The following KIF3C variants were observed in gnomAD, a reference collection of about 807,000 sequenced individuals.
KIF3C encodes the protein kinesin-like protein KIF3C.
In KIF3C, 12 loss-of-function variants were observed where a neutral mutation model predicts 67.7. That is an observed-to-expected ratio of 0.18 (90% CI 0.11 to 0.29). The LOEUF (loss-of-function observed/expected upper bound fraction) is 0.29. KIF3C is among the 10% of genes least tolerant of loss of function. KIF3C has a pLI of 1.00. For synonymous variants in KIF3C, 393 were observed against 426.2 expected (o/e 0.92, Z 0.96); for missense variants, 789 against 1,059.6 (o/e 0.74, Z 3.55).
rs190324260 is a variant in KIF3C at position 25,958,850 on chromosome 2, G to C, written c.1546-2406C>G. Among the ~76,000 whole-genome samples, 53 of 152,228 alleles carry C rather than the reference G, an allele frequency of 3.5e-4. No homozygotes were observed. The highest frequency in any genetic ancestry group is 1.3e-3 in the African/African-American group (52 of 41,552). On this transcript the variant is annotated intron_variant, in intron 1 of 7. Coordinates refer to ENST00000264712, the MANE Select transcript of KIF3C (RefSeq NM_002254.8). This position sits in a 1 kb window ranked among gnomAD's most constrained non-coding sequence, Gnocchi z 4.5. ...GGCACTTTGGGAGGCCAAGGCAGGCGGATCACCTGAGGTTGGGAGTTCGAG... is the reference window on the plus strand; with the variant it reads ...GGCACTTTGGGAGGCCAAGGCAGGCCGATCACCTGAGGTTGGGAGTTCGAG...
At chr2:25,965,419 C>T (rs1371030891) in intron 1 of KIF3C, among the ~76,000 whole-genome samples, 1 of 151,976 alleles carries the variant, frequency 6.6e-6, no homozygotes, top group East Asian at 1.9e-4. Flanking sequence ...TTTTTATTTC[C>T]ACATTTGTCT....
rs1305460098 is a variant in KIF3C, at chr2:25,927,797, T to G, written c.*1181A>C. ...ATTAACCATTTTTTTTTGTAGAAAT[T>G]TACTTATCACTTGAGATACCTAGAG... On this transcript the variant is annotated 3_prime_UTR_variant, in exon 8 of 8. Transcript: ENST00000264712. The G allele has an allele frequency of 6.6e-6, 1 of 152,574 alleles. No homozygotes were observed. The highest frequency in any genetic ancestry group is 2.4e-5 in the African/African-American group (1 of 41,442). The allele number at this position is 152,574 out of a possible 1,614,324, so 9.5% of individuals were successfully genotyped here. A position where few individuals can be genotyped will look rare whatever the true frequency, so the allele number is the denominator to read the frequency against.
intron 1 of KIF3C, among the ~76,000 whole-genome samples, chr2:25,966,302 C>T (rs1664138789): frequency 6.6e-6 from 1 of 152,022 alleles, no homozygotes; most frequent in Admixed American, 6.6e-5. Flanking sequence ...GATGGGGTTT[C>T]ACCATGTTGG....
chr2:25,955,723 A>G lies in KIF3C; in HGVS notation c.1648-60T>C. 5.0e-6 allele frequency: 8 copies of G among 1,596,338 alleles called. No homozygotes were observed. The highest frequency in any genetic ancestry group is 6.8e-6 in the Non-Finnish European group (8 of 1,167,972). On this transcript the variant is annotated intron_variant, in intron 2 of 7. Coordinates refer to ENST00000264712, the MANE Select transcript of KIF3C (RefSeq NM_002254.8). The surrounding 1 kb of genome is among the most constrained non-coding windows in gnomAD (Gnocchi z 5.0). Reference sequence around the variant, plus strand: ...CAGTGCATACTCGGGAGGGCCAGGAAAGCTCAGGGGACTGGCTCACTCTGC... The same window carrying G: ...CAGTGCATACTCGGGAGGGCCAGGAGAGCTCAGGGGACTGGCTCACTCTGC...
At chr2:25,950,458 G>A (rs1663578551) in intron 5 of KIF3C, among the ~76,000 whole-genome samples, 1 of 144,964 alleles carries the variant, frequency 6.9e-6, no homozygotes, top group South Asian at 2.1e-4. Flanking sequence ...CTGACCTCAG[G>A]CCATCCACCT....
At chr2:25,946,134 A>T (rs956357217) in intron 5 of KIF3C, among the ~76,000 whole-genome samples, 1 of 152,146 alleles carries the variant, frequency 6.6e-6, no homozygotes, top group Non-Finnish European at 1.5e-5. Flanking sequence ...AAAATAAAAT[A>T]AAATAAATAA....
At chr2:25,946,006 A>T (rs1157252746) in intron 5 of KIF3C, among the ~76,000 whole-genome samples, 1 of 151,716 alleles carries the variant, frequency 6.6e-6, no homozygotes, top group Non-Finnish European at 1.5e-5. Context: ...CCAGCTACTC[A>T]GGAGGCTGAG....
chr2:25,962,367 TG>T (rs1485051631), intron 1 of KIF3C, among the ~76,000 whole-genome samples: 1 of 151,956 alleles, frequency 6.6e-6, no homozygotes, highest in Non-Finnish European at 1.5e-5. Context: ...TCATTTTCCC[TG>T]GTTTTTTTTT....
chr2:25,948,580 TAAAG>T (rs1289182361), intron 5 of KIF3C, among the ~76,000 whole-genome samples: 2 of 85,172 alleles, frequency 2.3e-5, no homozygotes, highest in African/African-American at 8.9e-5. Context: ...AGGAAGAAAA[TAAAG>T]AAAGGGAGAA....
intron 5 of KIF3C, among the ~76,000 whole-genome samples, chr2:25,940,175 G>C (rs1025988649): frequency 6.6e-6 from 1 of 152,132 alleles, no homozygotes; most frequent in Non-Finnish European, 1.5e-5. Context: ...CACAGGCCTG[G>C]AACCTTACAT....
At chr2:25,956,505 G>GGAAGCAAAATCTCTCCAGCT in intron 1 of KIF3C, 61 bp from the exon 2 acceptor site, 1 of 1,329,364 alleles carries the variant, frequency 7.5e-7, no homozygotes, top group Non-Finnish European at 1.1e-6. Context: ...TTGCTAGCTG[G>GGAAGCAAAATCTCTCCAGCT]AGAGATTTTG....
chr2:25,977,451 G>A (rs1300591306), intron 1 of KIF3C, among the ~76,000 whole-genome samples: 1 of 152,110 alleles, frequency 6.6e-6, no homozygotes, highest in Admixed American at 6.5e-5. Context: ...CTGCAGATGG[G>A]GAGCCTGCCT....
rs547440956 is a variant in KIF3C, at chr2:25,928,155, C to T, written c.*823G>A. 1 of 152,340 alleles carries T rather than the reference C, an allele frequency of 6.6e-6. No homozygotes were observed. The highest frequency in any genetic ancestry group is 6.5e-5 in the Admixed American group (1 of 15,278). The allele number at this position is 152,340 out of a possible 1,614,324, so 9.4% of individuals were successfully genotyped here. On this transcript the variant is annotated 3_prime_UTR_variant, in exon 8 of 8. Transcript: ENST00000264712. ...TGAAAATGGGGAGTTGCCTTGAGAG[C>T]CTGTCGACCAAAATGACTCCTCGGA...
rs201044932 is a variant in KIF3C at position 25,956,456 on chromosome 2, G to A, written c.1546-12C>T. The A allele has an allele frequency of 3.1e-4, 492 of 1,604,164 alleles. 3 individuals are homozygous for A. The African/African-American group carries it at 6.0e-3, about 20-fold the overall frequency. ...TTGCTCTCCATGGCCTGGGGACACA[G>A]AGGGGTTGGGAGGTGGGCTTTGCAA... is the stretch of plus-strand genomic sequence containing the variant. On this transcript the variant is annotated splice_polypyrimidine_tract_variant and intron_variant, in intron 1 of 7. Coordinates refer to ENST00000264712, the MANE Select transcript of KIF3C (RefSeq NM_002254.8).
At chr2:25,979,501 T>A (rs1392592553) in intron 1 of KIF3C, among the ~76,000 whole-genome samples, 4 of 152,058 alleles carry the variant, frequency 2.6e-5, no homozygotes, top group Admixed American at 1.3e-4. Flanking sequence ...TACAGAAAGG[T>A]AAACTGAGGC....
intron 1 of KIF3C, among the ~76,000 whole-genome samples, chr2:25,961,042 T>A (rs996205158): frequency 6.6e-6 from 1 of 152,200 alleles, no homozygotes; most frequent in Non-Finnish European, 1.5e-5. Context: ...GGTGACTCCT[T>A]TAGGAAGCAG....
rs2090424232 is a variant in KIF3C, at chr2:25,927,773, T to C, written c.*1205A>G. On this transcript the variant is annotated 3_prime_UTR_variant, in exon 8 of 8. Coordinates refer to ENST00000264712, the MANE Select transcript of KIF3C (RefSeq NM_002254.8). The stretch of plus-strand genomic sequence containing the variant: ...CACTTAAAAAGCCAGTCAATGAACA[T>C]TAACCATTTTTTTTTGTAGAAATTT... The C allele has an allele frequency of 6.6e-6, 1 of 152,524 alleles. No homozygotes were observed. The highest frequency in any genetic ancestry group is 1.5e-5 in the Non-Finnish European group (1 of 68,050). The allele number at this position is 152,524 out of a possible 1,614,324, so 9.4% of individuals were successfully genotyped here.
chr2:25,955,246 T>C lies in KIF3C; in HGVS notation c.1770+295A>G, dbSNP rs1663776222. Among the ~76,000 whole-genome samples, 2 of 152,126 alleles carry C rather than the reference T, an allele frequency of 1.3e-5. No homozygotes were observed. The highest frequency in any genetic ancestry group is 2.9e-5 in the Non-Finnish European group (2 of 68,016). On this transcript the variant is annotated intron_variant, in intron 3 of 7. Transcript: ENST00000264712. The surrounding 1 kb of genome is among the most constrained non-coding windows in gnomAD (Gnocchi z 5.0). ...CCCAGCTATCCCAACTGTGACTCAC[T>C]GGTGACACTGAACGGGGTAATCACC...
At chr2:25,966,024 C>A (rs1321872396) in intron 1 of KIF3C, among the ~76,000 whole-genome samples, 1 of 151,982 alleles carries the variant, frequency 6.6e-6, no homozygotes, top group African/African-American at 2.4e-5. Context: ...TCAACCCCAA[C>A]CCCCATGCTT....
Sources: gnomAD v4.1 joint callset for allele counts (sites outside exome capture counted in the v4.1 genomes callset) on GRCh38, gnomAD v4.1.1 for gene constraint, Gnocchi (gnomAD v3.1) non-coding constraint, MANE v1.5 for transcripts, NCBI Gene and HGNC (gene_info 2026-07-23, HGNC 2026-07-21) for gene names.